Variants in NTRK2 observed in about 807,000 individuals in gnomAD.
NTRK2 encodes the protein neurotrophic receptor tyrosine kinase 2, also known as BDNF/NT-3 growth factors receptor.
In NTRK2, 13 loss-of-function variants were observed where a neutral mutation model predicts 94.5. The ratio of observed to expected loss-of-function variants is 0.14; its 90% confidence interval spans 0.09 to 0.22. The LOEUF is 0.22. NTRK2 is among the 10% of genes least tolerant of loss of function. The pLI, the probability that NTRK2 is intolerant of heterozygous loss-of-function variation, is 1.00. For synonymous variants in NTRK2, 372 were observed against 407.4 expected, an observed-to-expected ratio of 0.91 and a Z score of 1.05; for missense variants, 639 against 1,071.2, an observed-to-expected ratio of 0.60 and a Z score of 5.63.
In NTRK2 at chr9:84,866,755, C is replaced by T. The variant is rs922708459; in HGVS notation, c.1445-488C>T. Among the ~76,000 whole-genome samples, 8 of 152,110 alleles carry T rather than the reference C, an allele frequency of 5.3e-5. No homozygotes were observed. In the East Asian group the frequency reaches 7.7e-4, roughly 15 times the overall value. On this transcript the variant is annotated intron_variant, in intron 13 of 18. Coordinates refer to ENST00000277120, the MANE Select transcript of NTRK2 (RefSeq NM_006180.6). Reference sequence around the variant, plus strand: ...TAAAACACGTGTCCACATAAAAATTCGTATATGAATGTTCATAGTAGCATT... The same window carrying T: ...TAAAACACGTGTCCACATAAAAATTTGTATATGAATGTTCATAGTAGCATT...
chr9:84,843,496 G>T (rs1341680217), intron 12 of NTRK2, among the ~76,000 whole-genome samples: 3 of 152,292 alleles, frequency 2.0e-5, no homozygotes, highest in South Asian at 4.1e-4. Flanking sequence ...TGGTTTGAAT[G>T]GTTGTGATGG....
chr9:84,920,324 T>C (rs1362991685), intron 14 of NTRK2, among the ~76,000 whole-genome samples: 1 of 152,092 alleles, frequency 6.6e-6, no homozygotes, highest in African/African-American at 2.4e-5. Flanking sequence ...TTGCAGATGG[T>C]TTAATTCTCT....
At chr9:84,671,733 G>A (rs895041616) in intron 2 of NTRK2, among the ~76,000 whole-genome samples, 1 of 152,182 alleles carries the variant, frequency 6.6e-6, no homozygotes, top group African/African-American at 2.4e-5. Flanking sequence ...CTCTGATGAA[G>A]GCTGGCTTTA....
rs147652140 is a variant in NTRK2 at position 84,948,490 on chromosome 9, G to T, written c.1793G>T (p.Arg598Leu). ...CTGAAGGATGCCAGTGACAATGCAC[G>T]CAAGGACTTCCACCGTGAGGCCGAG... Reference protein sequence around the residue: ...KTLKDASDNARKDFHREAELL... With the variant: ...KTLKDASDNALKDFHREAELL... The change falls in exon 16 of 19, where the codon CGC (arginine) becomes CTC (leucine). Residue 598 changes from arginine (R) to leucine (L), a missense_variant. Physicochemically the swap from Arg to Leu is moderately radical, Grantham distance 102. Transcript: ENST00000277120. 1 of 1,614,110 alleles carries T rather than the reference G, an allele frequency of 6.2e-7. No homozygotes were observed. The highest frequency in any genetic ancestry group is 8.5e-7 in the Non-Finnish European group (1 of 1,180,024).
At chr9:84,926,216 TTCTTTCTTTC>T (rs1564471287) in intron 14 of NTRK2, among the ~76,000 whole-genome samples, 1 of 133,934 alleles carries the variant, frequency 7.5e-6, no homozygotes, top group Non-Finnish European at 1.6e-5. Flanking sequence ...CTTTCTTTCT[TTCTTTCTTTC>T]TTTCTTTTTC....
chr9:84,983,281 C>T (rs1359323088), intron 17 of NTRK2, among the ~76,000 whole-genome samples: 1 of 152,172 alleles, frequency 6.6e-6, no homozygotes, highest in Non-Finnish European at 1.5e-5. Context: ...AGGCATACAA[C>T]CACTTAGGCA....
At chr9:84,709,959 CTCTGTG>C (rs1225186496) in intron 5 of NTRK2, among the ~76,000 whole-genome samples, 2,022 of 116,458 alleles carry the variant, frequency 0.017, 50 homozygotes, top group African/African-American at 0.048. Context: ...GAATAGCTTG[CTCTGTG>C]TGTGTGTGTG....
At position 84,867,439 on chromosome 9, in the gene NTRK2, C is replaced by T. The variant is rs999709500; in HGVS notation, c.1633+8C>T. 15 of 1,610,376 alleles carry T rather than the reference C, an allele frequency of 9.3e-6. No homozygotes were observed. The highest frequency in any genetic ancestry group is 1.3e-5 in the Non-Finnish European group (15 of 1,176,738). ...AGCTCAAGCCAGACACATGTAAGTA[C>T]AGCTGTTTGTACTTATTGTCCCATT... On this transcript the variant is annotated splice_region_variant and intron_variant, in intron 14 of 18. Coordinates refer to ENST00000277120, the MANE Select transcript of NTRK2 (RefSeq NM_006180.6).
At chr9:84,928,662 G>A (rs1049745022) in intron 14 of NTRK2, among the ~76,000 whole-genome samples, 1 of 152,168 alleles carries the variant, frequency 6.6e-6, no homozygotes, top group Admixed American at 6.5e-5. Context: ...ACTGTGCCAA[G>A]CCTCTCACTG....
intron 17 of NTRK2, among the ~76,000 whole-genome samples, chr9:84,956,223 G>C (rs1264884174): frequency 2.6e-5 from 4 of 152,154 alleles, no homozygotes; most frequent in African/African-American, 9.7e-5. Flanking sequence ...GGTTGAAAGC[G>C]GTTTAGCTTG....
chr9:84,811,709 G>C (rs1044176520), intron 12 of NTRK2: 19 of 1,065,714 alleles, frequency 1.8e-5, no homozygotes, highest in Non-Finnish European at 2.2e-5. Context: ...GAGGTGGCAG[G>C]TCGCTAATGA....
At chr9:84,939,148 A>G (rs2132774770) in intron 15 of NTRK2, among the ~76,000 whole-genome samples, 1 of 152,116 alleles carries the variant, frequency 6.6e-6, no homozygotes, top group South Asian at 2.1e-4. Context: ...ATTGATAGTC[A>G]TAGACTTTTA....
chr9:84,730,888 T>C (rs1240116187), intron 9 of NTRK2, among the ~76,000 whole-genome samples: 1 of 151,840 alleles, frequency 6.6e-6, no homozygotes, highest in Non-Finnish European at 1.5e-5. Context: ...ATTTCTACTA[T>C]TATCATATGA....
chr9:84,812,671 A>C, intron 12 of NTRK2: 1 of 1,043,496 alleles, frequency 9.6e-7, no homozygotes. Flanking sequence ...TTGGTACAAA[A>C]AAGATTTTTA....
chr9:84,686,369 A>G (rs182172936), intron 2 of NTRK2, among the ~76,000 whole-genome samples: 9 of 152,356 alleles, frequency 5.9e-5, no homozygotes, highest in South Asian at 4.1e-4. Context: ...AACAGAGGAA[A>G]ATCCAGGGGA....
At chr9:84,687,612 G>A (rs2059797133) in intron 2 of NTRK2, among the ~76,000 whole-genome samples, 1 of 152,118 alleles carries the variant, frequency 6.6e-6, no homozygotes, top group Non-Finnish European at 1.5e-5. Flanking sequence ...CAGTTCAGAA[G>A]GCAATAGATA....
chr9:84,873,903 GAC>G (rs1298594633), intron 14 of NTRK2: 1 of 1,062,476 alleles, frequency 9.4e-7, no homozygotes, highest in Non-Finnish European at 1.1e-6. Flanking sequence ...AGGTCAGGGA[GAC>G]AGAGTGATAT....
At position 84,745,238 on chromosome 9, in the gene NTRK2, G is replaced by A. The variant is rs7048278; in HGVS notation, c.1296+165G>A. Among the ~76,000 whole-genome samples, 90,606 of 151,892 alleles carry A rather than the reference G, an allele frequency of 0.6. 28,114 individuals carry two copies. The highest frequency in any genetic ancestry group is 0.68 in the South Asian group (3,273 of 4,800). ...TAAAAGGCTTAACAAAAGTGATAAAGGTGTTATATGGCCTTTGACTTATTT... is the reference window on the plus strand; with the variant it reads ...TAAAAGGCTTAACAAAAGTGATAAAAGTGTTATATGGCCTTTGACTTATTT... On this transcript the variant is annotated intron_variant, in intron 11 of 18. Coordinates refer to ENST00000277120, the MANE Select transcript of NTRK2 (RefSeq NM_006180.6).
chr9:84,795,668 C>T (rs1465744182), intron 12 of NTRK2, among the ~76,000 whole-genome samples: 1 of 152,144 alleles, frequency 6.6e-6, no homozygotes, highest in Non-Finnish European at 1.5e-5. Context: ...GGTTCGGGCC[C>T]CCACAGTGCC....
Sources: gnomAD v4.1 joint callset for allele counts (sites outside exome capture counted in the v4.1 genomes callset) on GRCh38, gnomAD v4.1.1 for gene constraint, MANE v1.5 for transcripts, NCBI Gene and HGNC (gene_info 2026-07-23, HGNC 2026-07-21) for gene names.